KLHL18: variants seen among roughly 807,000 people sequenced by gnomAD.
KLHL18 encodes the protein kelch-like protein 18.
A neutral mutation model predicts 58.5 loss-of-function variants in KLHL18; 38 were observed. That is an observed-to-expected ratio of 0.65 (90% CI 0.50 to 0.85). The LOEUF is 0.85. Among genes scored for constraint, KLHL18 ranks in the 40% least tolerant of loss-of-function variants. The probability of loss-of-function intolerance (pLI) is 0.00; values close to 1 mark genes in which losing one functional copy is unlikely to be tolerated. For synonymous variants in KLHL18, 303 were observed against 301.9 expected (o/e 1.00, Z -0.04); for missense variants, 624 against 778.4 (o/e 0.80, Z 2.36).
At chr3:47,296,827 TC>T (rs1702906730) in intron 1 of KLHL18, among the ~76,000 whole-genome samples, 1 of 151,914 alleles carries the variant, frequency 6.6e-6, no homozygotes, top group Admixed American at 6.6e-5. Context: ...ATTGGAGAGG[TC>T]GATTGAGTAC....
chr3:47,340,567 T>C lies in KLHL18; in HGVS notation c.1122-5T>C. On this transcript the variant is annotated splice_region_variant and splice_polypyrimidine_tract_variant and intron_variant, in intron 7 of 9. Transcript: ENST00000232766. ...CATCTGGGATGACAGCTCTGTCTGT[T>C]TCAGTGCCATGGGGACAGTCGTGCT... is the stretch of plus-strand genomic sequence containing the variant. 1 of 1,613,964 alleles carries C rather than the reference T, an allele frequency of 6.2e-7. No individual in the cohort carries two copies. The highest frequency in any genetic ancestry group is 8.5e-7 in the Non-Finnish European group (1 of 1,179,958).
intron 8 of KLHL18, among the ~76,000 whole-genome samples, chr3:47,340,977 A>G (rs1301693558): frequency 2.0e-5 from 3 of 152,176 alleles, no homozygotes; most frequent in Non-Finnish European, 4.4e-5. Flanking sequence ...TAAGAAGTAG[A>G]TGAACAGCAT....
At chr3:47,324,126 C>T (rs1703652202) in intron 3 of KLHL18, among the ~76,000 whole-genome samples, 1 of 151,846 alleles carries the variant, frequency 6.6e-6, no homozygotes, top group Non-Finnish European at 1.5e-5. Flanking sequence ...CAACCTTGTC[C>T]CTGCTGTGGG....
In KLHL18 at chr3:47,314,266, C is replaced by T. The variant is rs1703372253; in HGVS notation, c.130-5387C>T. ...CTTCCCACCTTAGCATCCCAAAGAG[C>T]TAGGATTAAAGGCATAAACCACTGT... On this transcript the variant is annotated intron_variant, in intron 1 of 9. Coordinates refer to ENST00000232766, the MANE Select transcript of KLHL18 (RefSeq NM_025010.5). 2.0e-5 allele frequency among the ~76,000 whole-genome samples: 3 copies of T among 152,042 alleles called. No individual in the cohort carries two copies. The South Asian group carries it at 6.2e-4, about 31-fold the overall frequency.
chr3:47,342,606 A>G (rs1704133059), intron 8 of KLHL18, 113 bp from the exon 9 acceptor site: 9 of 783,982 alleles, frequency 1.1e-5, no homozygotes. Context: ...GGGAGAGGTG[A>G]TAAGAGATGG....
At chr3:47,298,827 A>G (rs1702952744) in intron 1 of KLHL18, among the ~76,000 whole-genome samples, 1 of 152,158 alleles carries the variant, frequency 6.6e-6, no homozygotes, top group East Asian at 1.9e-4. Context: ...CACCCAGCCT[A>G]ATGCCCATGA....
At position 47,329,988 on chromosome 3, in the gene KLHL18, G is replaced by C. The variant is rs1300874140; in HGVS notation, c.439G>C (p.Ala147Pro). Residue 147 changes from alanine to proline, a missense_variant, in exon 4 of 10, where the codon GCT becomes CCT. Ala to Pro is a conservative substitution (Grantham distance 27). Transcript: ENST00000232766. ...AAACTGCCTGGGTGTGCGCCAGTTT[G>C]CTGAGACAATGATGTGTGCTGTGCT... ...PKNCLGVRQF[A>P]ETMMCAVLYD... 2 of 1,614,044 alleles carry C rather than the reference G, an allele frequency of 1.2e-6. No individual in the cohort carries two copies. The highest frequency in any genetic ancestry group is 1.7e-6 in the Non-Finnish European group (2 of 1,180,020).
intron 4 of KLHL18, among the ~76,000 whole-genome samples, chr3:47,331,723 G>A (rs1437616111): frequency 6.6e-6 from 1 of 151,000 alleles, no homozygotes; most frequent in Non-Finnish European, 1.5e-5. Context: ...GTGAGCCACT[G>A]CGCCAGGCCC....
At chr3:47,323,604 C>CT (rs1703638323) in intron 3 of KLHL18, among the ~76,000 whole-genome samples, 1 of 152,196 alleles carries the variant, frequency 6.6e-6, no homozygotes, top group African/African-American at 2.4e-5. Context: ...CTCTCCCTCC[C>CT]CCTCAAGAGC....
At chr3:47,333,401 G>GA in intron 5 of KLHL18, 84 bp downstream of exon 5, 1 of 1,357,754 alleles carries the variant, frequency 7.4e-7, no homozygotes, top group South Asian at 1.4e-5. Context: ...GTTCTGGAAA[G>GA]AAAGCATTTA....
intron 3 of KLHL18, among the ~76,000 whole-genome samples, chr3:47,325,754 G>A (rs954160160): frequency 6.6e-6 from 1 of 151,606 alleles, no homozygotes; most frequent in Non-Finnish European, 1.5e-5. Context: ...GGCAAGCACT[G>A]GAGCTGTGTA....
intron 1 of KLHL18, among the ~76,000 whole-genome samples, chr3:47,296,417 C>T (rs1481291595): frequency 6.6e-6 from 1 of 152,174 alleles, no homozygotes; most frequent in Non-Finnish European, 1.5e-5. Context: ...TTTACCTGTG[C>T]TTGGTGCTTG....
intron 5 of KLHL18, 98 bp downstream of exon 5, chr3:47,333,415 T>G (rs1417733090): frequency 8.2e-7 from 1 of 1,218,954 alleles, no homozygotes; most frequent in African/African-American, 1.5e-5. Flanking sequence ...GCATTTAGAG[T>G]GATCAGTCTA....
At chr3:47,288,869 C>T (rs774208757) in intron 1 of KLHL18, among the ~76,000 whole-genome samples, 5 of 152,216 alleles carry the variant, frequency 3.3e-5, no homozygotes, top group Non-Finnish European at 7.3e-5. Context: ...TGTCCATGGA[C>T]GCTCTCATCC....
intron 1 of KLHL18, among the ~76,000 whole-genome samples, chr3:47,285,336 C>G (rs998334519): frequency 6.6e-6 from 1 of 152,206 alleles, no homozygotes; most frequent in Non-Finnish European, 1.5e-5. Flanking sequence ...AACTTGTAAG[C>G]AGAAAAATGA....
intron 7 of KLHL18, among the ~76,000 whole-genome samples, chr3:47,339,409 T>C (rs946763221): frequency 9.2e-5 from 14 of 151,726 alleles, no homozygotes; most frequent in African/African-American, 3.4e-4. Flanking sequence ...GGAGAATCCC[T>C]TGAACCCAGG....
chr3:47,302,128 G>A (rs947207452), intron 1 of KLHL18, among the ~76,000 whole-genome samples: 1 of 152,126 alleles, frequency 6.6e-6, no homozygotes, highest in Non-Finnish European at 1.5e-5. Flanking sequence ...TATGTTATGT[G>A]TATTATGTTA....
chr3:47,341,337 G>C (rs1247637831), intron 8 of KLHL18, among the ~76,000 whole-genome samples: 1 of 152,182 alleles, frequency 6.6e-6, no homozygotes, highest in Non-Finnish European at 1.5e-5. Context: ...CTTTAAGCCA[G>C]TATTCTGTTC....
At chr3:47,326,283 T>C (rs546541422) in intron 3 of KLHL18, among the ~76,000 whole-genome samples, 1 of 152,200 alleles carries the variant, frequency 6.6e-6, no homozygotes, top group African/African-American at 2.4e-5. Context: ...CTCTCAGAGG[T>C]AGATTGGTAC....
Sources: allele counts gnomAD v4.1 joint callset (sites outside exome capture counted in the v4.1 genomes callset), GRCh38; gene constraint gnomAD v4.1.1; transcripts MANE v1.5; gene names NCBI Gene and HGNC (gene_info 2026-07-23, HGNC 2026-07-21).